Variants in APLF observed in about 807,000 individuals in gnomAD.
The protein encoded by APLF is aprataxin and PNK-like factor.
A neutral mutation model predicts 55.6 loss-of-function variants in APLF; 61 were observed. The ratio of observed to expected loss-of-function variants is 1.10; its 90% CI spans 0.89 to 1.36. The LOEUF (loss-of-function observed/expected upper bound fraction) is 1.36, where lower values mean the gene tolerates loss of function less well. APLF is among the 40% of genes most tolerant of loss of function. APLF has a pLI of 0.00. For missense variants in APLF, 611 were observed against 602.5 expected (o/e 1.01, Z -0.15); for synonymous variants, 207 against 214.8 (o/e 0.96, Z 0.32).
In APLF at chr2:68,577,901, A is replaced by G. The variant is rs1257241874; in HGVS notation, c.1415A>G (p.Glu472Gly). Residue 472 changes from glutamate to glycine, a missense_variant, in exon 10 of 10, where the codon GAG becomes GGG. Coordinates refer to ENST00000303795, the MANE Select transcript of APLF (RefSeq NM_173545.3). ...CTGAACGACAGCTTTCTAGATGATG[A>G]GGAAGAAGACTATGAGCCAACAGAT... Reference protein sequence around the residue: ...YDLNDSFLDDEEEDYEPTDED... With the variant: ...YDLNDSFLDDGEEDYEPTDED... 1.9e-6 allele frequency: 3 copies of G among 1,613,568 alleles called. No homozygotes were observed. Among genetic ancestry groups the G allele is most frequent in the Non-Finnish European group, 2.5e-6 (3 of 1,179,714 alleles).
intron 1 of APLF, among the ~76,000 whole-genome samples, chr2:68,471,742 T>C (rs1187008189): frequency 6.6e-6 from 1 of 152,202 alleles, no homozygotes; most frequent in Non-Finnish European, 1.5e-5. Context: ...TCACTGATTT[T>C]TAAAAGGTCA....
intron 9 of APLF, among the ~76,000 whole-genome samples, chr2:68,577,139 C>T (rs975819921): frequency 1.3e-5 from 2 of 152,160 alleles, no homozygotes; most frequent in African/African-American, 4.8e-5. Flanking sequence ...TAAAACTAAA[C>T]TTTCCAAAGT....
intron 8 of APLF, among the ~76,000 whole-genome samples, chr2:68,562,310 C>T (rs1671191355): frequency 6.6e-6 from 1 of 152,092 alleles, no homozygotes; most frequent in South Asian, 2.1e-4. Context: ...TAATTTAAAA[C>T]ATGTTTTTGA....
chr2:68,526,908 G>C (rs752803547), intron 6 of APLF, among the ~76,000 whole-genome samples: 2 of 152,158 alleles, frequency 1.3e-5, no homozygotes. Context: ...GAACGATCTC[G>C]ATCTCCTTTT....
intron 1 of APLF, among the ~76,000 whole-genome samples, chr2:68,475,311 T>G (rs1004769495): frequency 5.3e-5 from 8 of 152,176 alleles, no homozygotes; most frequent in Non-Finnish European, 8.8e-5. Context: ...GAGTTGAAAT[T>G]TCAGTGACAT....
At chr2:68,541,152 CAGAT>C (rs1269155072) in intron 7 of APLF, among the ~76,000 whole-genome samples, 1 of 152,074 alleles carries the variant, frequency 6.6e-6, no homozygotes, top group African/African-American at 2.4e-5. Flanking sequence ...AAATAAATCT[CAGAT>C]AGATTTTTGT....
At chr2:68,514,359 C>T (rs1669511559) in intron 5 of APLF, among the ~76,000 whole-genome samples, 1 of 151,696 alleles carries the variant, frequency 6.6e-6, no homozygotes, top group African/African-American at 2.4e-5. Flanking sequence ...TAGTGATTTT[C>T]TATTGATACT....
At chr2:68,518,252 A>G (rs1434280256) in intron 5 of APLF, among the ~76,000 whole-genome samples, 1 of 118,736 alleles carries the variant, frequency 8.4e-6, no homozygotes. Context: ...TAATGTTAAT[A>G]TATTATGAAT....
chr2:68,557,971 A>G (rs1351932408), intron 8 of APLF, among the ~76,000 whole-genome samples: 1 of 152,062 alleles, frequency 6.6e-6, no homozygotes, highest in East Asian at 1.9e-4. Context: ...GGTTCTGCAT[A>G]TATAGAAAGT....
intron 3 of APLF, among the ~76,000 whole-genome samples, chr2:68,511,304 G>A (rs1677043620): frequency 6.6e-6 from 1 of 151,590 alleles, no homozygotes; most frequent in South Asian, 2.1e-4. Context: ...TCCTGTGATA[G>A]TTGATTACTC....
At position 68,529,896 on chromosome 2, in the gene APLF, A is replaced by G. The variant is rs1205663898; in HGVS notation, c.804+3654A>G. On this transcript the variant is annotated intron_variant, in intron 6 of 9. Transcript: ENST00000303795. The surrounding 1 kb of genome is among the most constrained non-coding windows in gnomAD (Gnocchi z 4.4). ...GGGCCAGAACCTGGAAGCAGAGCGC[A>G]GGACCAGCCAGATCCCGCCAGGCTC... is the stretch of plus-strand genomic sequence containing the variant. 2.6e-5 allele frequency among the ~76,000 whole-genome samples: 4 copies of G among 152,212 alleles called. No homozygotes were observed. Among genetic ancestry groups the G allele is most frequent in the Non-Finnish European group, 5.9e-5 (4 of 68,020 alleles).
intron 6 of APLF, among the ~76,000 whole-genome samples, chr2:68,526,723 G>A (rs1200161349): frequency 4.6e-5 from 7 of 152,098 alleles, no homozygotes; most frequent in African/African-American, 1.4e-4. Context: ...GAGTCTTGCT[G>A]TGTCACCAGG....
chr2:68,570,330 A>T (rs1299857131), intron 9 of APLF, among the ~76,000 whole-genome samples: 1 of 151,326 alleles, frequency 6.6e-6, no homozygotes, highest in Non-Finnish European at 1.5e-5. Context: ...TCTAGGGTAC[A>T]TGTGCACAGT....
Position 68,526,061 on chromosome 2 carries a change from G to C in APLF, c.623G>C (p.Gly208Ala). ...TCTTCTTTTTCTTTATGTGTTTAAG[G>C]TAATGTAATCCAGGGAAGTGGAAAA... ...QNLSVPAISG[G>A]NVIQGSGKEE... The change falls in exon 6 of 10, where the codon GGT becomes GCT. Residue 208 changes from glycine to alanine, a missense_variant and splice_region_variant. Physicochemically the swap from Gly to Ala is moderately conservative, Grantham distance 60 (BLOSUM62 0). Coordinates refer to ENST00000303795, the MANE Select transcript of APLF (RefSeq NM_173545.3). 1.2e-6 allele frequency: 2 copies of C among 1,610,864 alleles called. No homozygotes were observed. The highest frequency in any genetic ancestry group is 1.7e-6 in the Non-Finnish European group (2 of 1,178,710).
At chr2:68,485,337 C>T (rs1474954653) in intron 1 of APLF, among the ~76,000 whole-genome samples, 1 of 151,996 alleles carries the variant, frequency 6.6e-6, no homozygotes, top group East Asian at 1.9e-4. Flanking sequence ...TTTTGTTTTT[C>T]CGATTGTTTG....
chr2:68,470,892 C>G (rs550321004), intron 1 of APLF, among the ~76,000 whole-genome samples: 1 of 152,330 alleles, frequency 6.6e-6, no homozygotes, highest in African/African-American at 2.4e-5. Flanking sequence ...TTCACCACTT[C>G]TAAGAATGTT....
At chr2:68,480,391 G>A (rs575422818) in intron 1 of APLF, among the ~76,000 whole-genome samples, 6 of 150,558 alleles carry the variant, frequency 4.0e-5, no homozygotes, top group Non-Finnish European at 7.4e-5. Context: ...TGCAACCTCC[G>A]TCTCCCAGAT....
chr2:68,545,121 TA>T lies in APLF; in HGVS notation c.1161-65del. On this transcript the variant is annotated intron_variant, in intron 7 of 9. Transcript: ENST00000303795. ...AGATGTGGATTGTCTGGTTTCCTGCTATATCCACTAAAAATCTAGAATATCC... is the reference window on the plus strand; with the variant it reads ...AGATGTGGATTGTCTGGTTTCCTGCTTATCCACTAAAAATCTAGAATATCC... 1.9e-6 allele frequency: 3 copies of T among 1,573,352 alleles called. No individual in the cohort carries two copies. The East Asian group carries it at 6.7e-5, about 35-fold the overall frequency.
chr2:68,491,049 T>G (rs1676342853), intron 2 of APLF, among the ~76,000 whole-genome samples: 1 of 152,230 alleles, frequency 6.6e-6, no homozygotes, highest in African/African-American at 2.4e-5. Context: ...TATCCTATGT[T>G]TAACTGTTTG....
Sources: allele counts gnomAD v4.1 joint callset (sites outside exome capture counted in the v4.1 genomes callset), GRCh38; gene constraint gnomAD v4.1.1; non-coding constraint Gnocchi (gnomAD v3.1); transcripts MANE v1.5; gene names NCBI Gene and HGNC (gene_info 2026-07-23, HGNC 2026-07-21).